The following NID2 variants were observed in gnomAD, a reference collection of about 807,000 sequenced individuals.
NID2 encodes nidogen-2.
In NID2, 83 loss-of-function variants were observed where a neutral mutation model predicts 145.4. The ratio of observed to expected loss-of-function variants is 0.57; its 90% CI spans 0.48 to 0.69. The LOEUF is 0.69. Ranked by LOEUF, NID2 falls within the 30% of genes least tolerant of loss-of-function variation. The probability of loss-of-function intolerance (pLI) is 0.00; values close to 1 mark genes in which losing one functional copy is unlikely to be tolerated. For synonymous variants in NID2, 739 were observed against 701.3 expected (o/e 1.05, Z -0.85); for missense variants, 1,807 against 1,765.7 (o/e 1.02, Z -0.42).
intron 9 of NID2, among the ~76,000 whole-genome samples, chr14:52,032,640 C>T (rs972224911): frequency 6.6e-6 from 1 of 152,120 alleles, no homozygotes; most frequent in Non-Finnish European, 1.5e-5. Flanking sequence ...GCATACCCCA[C>T]CAAAGCAGGA....
chr14:52,060,025 C>G (rs1595055446), intron 3 of NID2, 99 bp downstream of exon 3: 1 of 806,486 alleles, frequency 1.2e-6, no homozygotes, highest in East Asian at 2.6e-5. Flanking sequence ...TAGAAGCCAC[C>G]AATATATTAT....
chr14:52,004,937 A>T lies in NID2; in HGVS notation c.*549T>A, dbSNP rs1890698241. On this transcript the variant is annotated 3_prime_UTR_variant, in exon 22 of 22. Transcript: ENST00000216286. ...AGGCACTACAGGATCAGAAAATGCA[A>T]ATTGAATCATTTTAGCACCTTTTGA... 1 of 158,602 alleles carries T rather than the reference A, an allele frequency of 6.3e-6. No individual in the cohort carries two copies. 9.8% of individuals were successfully genotyped at this position (158,602 alleles called of 1,614,324 possible).
At chr14:52,059,371 A>G (rs1382902579) in intron 3 of NID2, among the ~76,000 whole-genome samples, 2 of 152,220 alleles carry the variant, frequency 1.3e-5, no homozygotes, top group African/African-American at 4.8e-5. Context: ...GGAGGCCAGG[A>G]AGTAACCAAT....
At chr14:52,010,667 C>T in intron 18 of NID2, 1 of 523,070 alleles carries the variant, frequency 1.9e-6, no homozygotes. Context: ...TTGTTTCCTC[C>T]TAATAAAATA....
chr14:52,005,921 A>AATCAGTTGCAAT, intron 20 of NID2, 72 bp from the exon 21 acceptor site: 1 of 1,150,450 alleles, frequency 8.7e-7, no homozygotes, highest in Non-Finnish European at 1.3e-6. Flanking sequence ...AGCCACAGAA[A>AATCAGTTGCAAT]ATCAGTTGCA....
At chr14:52,062,917 A>G (rs1893060084) in intron 2 of NID2, among the ~76,000 whole-genome samples, 1 of 152,254 alleles carries the variant, frequency 6.6e-6, no homozygotes, top group Non-Finnish European at 1.5e-5. Flanking sequence ...TATGGGTGGC[A>G]AGTATTTAAT....
chr14:52,027,156 C>G, intron 12 of NID2, 45 bp downstream of exon 12: 1 of 1,430,452 alleles, frequency 7.0e-7, no homozygotes, highest in Non-Finnish European at 9.2e-7. Context: ...GGATGTGCAT[C>G]CAAAGCAACT....
chr14:52,067,535 T>C (rs1408427497), intron 2 of NID2, among the ~76,000 whole-genome samples: 1 of 152,256 alleles, frequency 6.6e-6, no homozygotes. Flanking sequence ...GAAATACTTG[T>C]ATACTTAGAG....
intron 13 of NID2, 62 bp from the exon 14 acceptor site, chr14:52,019,356 C>T: frequency 6.8e-6 from 9 of 1,330,504 alleles, no homozygotes; most frequent in Non-Finnish European, 9.2e-6. Flanking sequence ...AACCCATCCA[C>T]TTCACCAGCC....
Position 52,020,074 on chromosome 14 carries a change from A to G in NID2, c.2779T>C (p.Phe927Leu). 1 of 1,614,072 alleles carries G rather than the reference A, an allele frequency of 6.2e-7. No individual in the cohort carries two copies. Among genetic ancestry groups the G allele is most frequent in the Non-Finnish European group, 8.5e-7 (1 of 1,179,910 alleles). ...TGAAACTTACCAGGTATGCACTGAA[A>G]TCCATCCCCATAATATCCGGGTTGA... ...RCQPGYYGDG[F>L]QCIPDSTSSL... Residue 927 changes from phenylalanine (F) to leucine (L), a missense_variant, in exon 13 of 22, where the codon TTT (phenylalanine) becomes CTT (leucine). Coordinates refer to ENST00000216286, the MANE Select transcript of NID2 (RefSeq NM_007361.4).
chr14:52,005,886 C>CATTTACTAGATAA, intron 20 of NID2, 37 bp from the exon 21 acceptor site: 1 of 1,443,156 alleles, frequency 6.9e-7, no homozygotes, highest in Non-Finnish European at 9.7e-7. Flanking sequence ...CAGGGACAGT[C>CATTTACTAGATAA]ATTTACTAGA....
intron 2 of NID2, among the ~76,000 whole-genome samples, chr14:52,062,254 AAAC>A (rs1272519277): frequency 3.9e-5 from 6 of 152,280 alleles, no homozygotes; most frequent in Admixed American, 2.6e-4. Context: ...AACCCAGAAA[AAAC>A]AACATCTTGC....
At position 52,030,606 on chromosome 14, in the gene NID2, G is replaced by GAA. The variant is rs1192082683; in HGVS notation, c.2258-917_2258-916insTT. ...AGAAAGAAAGAAAGAAAGAAAGAAA[G>GAA]AGAAAGAAAAAGAAAGAAAGAGAAA... On this transcript the variant is annotated intron_variant, in intron 9 of 21. Coordinates refer to ENST00000216286, the MANE Select transcript of NID2 (RefSeq NM_007361.4). Among the ~76,000 whole-genome samples, 72 of 76,694 alleles carry GAA rather than the reference G, an allele frequency of 9.4e-4. 3 individuals are homozygous for GAA. Among genetic ancestry groups the GAA allele is most frequent in the East Asian group, 2.2e-3 (6 of 2,696 alleles). 50.3% of individuals were successfully genotyped at this position (76,694 alleles called of 152,430 possible).
chr14:52,019,744 C>T (rs964066115), intron 13 of NID2, among the ~76,000 whole-genome samples: 36 of 152,202 alleles, frequency 2.4e-4, no homozygotes, highest in African/African-American at 8.0e-4. Context: ...GCATAAGGCT[C>T]TGCTTAATAA....
intron 5 of NID2, among the ~76,000 whole-genome samples, chr14:52,043,385 TAAAAA>T (rs920906198): frequency 2.0e-5 from 3 of 152,096 alleles, no homozygotes; most frequent in African/African-American, 7.2e-5. Context: ...ACACTGAACT[TAAAAA>T]AGATAATAGC....
chr14:52,032,236 G>T (rs1891895260), intron 9 of NID2, among the ~76,000 whole-genome samples: 1 of 152,206 alleles, frequency 6.6e-6, no homozygotes, highest in Non-Finnish European at 1.5e-5. Context: ...CGTATTATTG[G>T]CTGAAAATAA....
intron 12 of NID2, 72 bp downstream of exon 12, chr14:52,027,129 G>A: frequency 2.2e-6 from 3 of 1,351,552 alleles, no homozygotes; most frequent in Non-Finnish European, 2.9e-6. Flanking sequence ...TTTTCTGGGA[G>A]AGCTCCATCT....
At chr14:52,057,429 A>T (rs1362019798) in intron 3 of NID2, among the ~76,000 whole-genome samples, 1 of 152,206 alleles carries the variant, frequency 6.6e-6, no homozygotes, top group African/African-American at 2.4e-5. Context: ...CAGGCCGGGT[A>T]TGGTGGCTTA....
rs1484215121 is a variant in NID2, at chr14:52,053,691, A to G, written c.1317T>C (p.His439=). Residue 439 remains histidine (H), a synonymous_variant, in exon 5 of 22, where the codon CAT becomes CAC. Coordinates refer to ENST00000216286, the MANE Select transcript of NID2 (RefSeq NM_007361.4). ...TTCGAAGAACAATTTCTTCTTCAGGATGAGCTGGGGGAACATCCATTTCCG... is the reference window on the plus strand; with the variant it reads ...TTCGAAGAACAATTTCTTCTTCAGGGTGAGCTGGGGGAACATCCATTTCCG... ...VPSEMDVPPA[H]PEEEIVLRSY... 1.2e-6 allele frequency: 2 copies of G among 1,614,098 alleles called. No individual in the cohort carries two copies. Among genetic ancestry groups the G allele is most frequent in the Non-Finnish European group, 1.7e-6 (2 of 1,180,050 alleles).
Sources: gnomAD v4.1 joint callset for allele counts (sites outside exome capture counted in the v4.1 genomes callset) on GRCh38, gnomAD v4.1.1 for gene constraint, MANE v1.5 for transcripts, NCBI Gene and HGNC (gene_info 2026-07-23, HGNC 2026-07-21) for gene names.